The following COQ3 variants were observed in gnomAD, a reference collection of about 807,000 sequenced individuals.
COQ3 encodes the protein ubiquinone biosynthesis O-methyltransferase, mitochondrial.
A neutral mutation model predicts 33.1 loss-of-function variants in COQ3; 29 were observed. The observed-to-expected ratio is 0.88, with a 90% confidence interval of 0.65 to 1.19. The LOEUF (loss-of-function observed/expected upper bound fraction) is 1.19. COQ3 is among the 50% of genes most tolerant of loss of function. The pLI is 0.00. For missense variants in COQ3, 437 were observed against 430.7 expected (o/e 1.01, Z -0.13); for synonymous variants, 173 against 157.8 (o/e 1.10, Z -0.72).
intron 2 of COQ3, among the ~76,000 whole-genome samples, chr6:99,383,339 T>C (rs1414086188): frequency 6.6e-6 from 1 of 152,200 alleles, no homozygotes; most frequent in Non-Finnish European, 1.5e-5. Context: ...GTATTATAAG[T>C]AATATTTATG....
intron 2 of COQ3, among the ~76,000 whole-genome samples, 194 bp downstream of exon 2, chr6:99,383,504 G>A (rs900720614): frequency 2.0e-5 from 3 of 152,040 alleles, no homozygotes; most frequent in Admixed American, 6.6e-5. Context: ...TTCTATTACC[G>A]TTTCTGTGGG....
intron 6 of COQ3, among the ~76,000 whole-genome samples, chr6:99,371,126 T>C (rs1198320256): frequency 1.3e-5 from 2 of 152,212 alleles, no homozygotes; most frequent in African/African-American, 4.8e-5. Context: ...ACTGAGAATG[T>C]GTAAATAACA....
At chr6:99,370,028 C>T (rs1401845892) in intron 6 of COQ3, among the ~76,000 whole-genome samples, 1 of 152,096 alleles carries the variant, frequency 6.6e-6, no homozygotes, top group Non-Finnish European at 1.5e-5. Flanking sequence ...TTCAGTAAGT[C>T]GCAATTAGGA....
At chr6:99,391,596 A>C (rs1451860922) in intron 1 of COQ3, among the ~76,000 whole-genome samples, 2 of 11,950 alleles carry the variant, frequency 1.7e-4, no homozygotes, top group Non-Finnish European at 3.7e-3. Context: ...AAATTTTAAC[A>C]ATATCTGCTT....
At chr6:99,370,551 A>C (rs1009196565) in intron 6 of COQ3, among the ~76,000 whole-genome samples, 1 of 151,454 alleles carries the variant, frequency 6.6e-6, no homozygotes, top group Admixed American at 6.6e-5. Context: ...GTTTCACCAC[A>C]TTGGCCAGGC....
chr6:99,371,586 G>A lies in COQ3; in HGVS notation c.731C>T (p.Pro244Leu). Residue 244 changes from proline to leucine, a missense_variant and splice_region_variant, in exon 6 of 7, where the codon CCC (proline) becomes CTC (leucine). By Grantham distance (98) the Pro-to-Leu change is moderately conservative (BLOSUM62 -3). Transcript: ENST00000254759. ...FLQCCCQVLKPGGSLFITTIN... is the reference protein window; with the variant it reads ...FLQCCCQVLKLGGSLFITTIN... ...TGTAGTAATGAATAAAGAACCACCGGGCTAAAAGAAATGAAATTATATAGA... is the reference window on the plus strand; with the variant it reads ...TGTAGTAATGAATAAAGAACCACCGAGCTAAAAGAAATGAAATTATATAGA... 6.3e-7 allele frequency: 1 copy of A among 1,581,806 alleles called. No homozygotes were observed. Among genetic ancestry groups the A allele is most frequent in the Non-Finnish European group, 8.6e-7 (1 of 1,163,450 alleles).
chr6:99,378,304 T>C (rs1774366263), intron 3 of COQ3, among the ~76,000 whole-genome samples: 1 of 151,780 alleles, frequency 6.6e-6, no homozygotes, highest in African/African-American at 2.4e-5. Context: ...TGGATAGTGG[T>C]TAAGTAGATC....
intron 1 of COQ3, among the ~76,000 whole-genome samples, chr6:99,386,983 G>A (rs1351984417): frequency 6.6e-6 from 1 of 152,070 alleles, no homozygotes. Context: ...AAAGACTACA[G>A]ACCAATTCCT....
chr6:99,374,889 C>T (rs779261406), intron 5 of COQ3, among the ~76,000 whole-genome samples: 17 of 152,082 alleles, frequency 1.1e-4, no homozygotes, highest in Non-Finnish European at 1.9e-4. Context: ...AAAACTATTA[C>T]GCATTTACCA....
In COQ3 at chr6:99,369,550, T is replaced by C; in HGVS notation, c.*50A>G. On this transcript the variant is annotated 3_prime_UTR_variant, in exon 7 of 7. Transcript: ENST00000254759. ...AAGGATAAATTGTACATTTTTGTATTTGAAAACATCAGATATCCAAGCCAT... is the reference window on the plus strand; with the variant it reads ...AAGGATAAATTGTACATTTTTGTATCTGAAAACATCAGATATCCAAGCCAT... The C allele has an allele frequency of 1.5e-6, 2 of 1,303,664 alleles. No individual in the cohort carries two copies. The highest frequency in any genetic ancestry group is 2.2e-6 in the Non-Finnish European group (2 of 913,474). The allele number at this position is 1,303,664 out of a possible 1,614,324, so 80.8% of individuals were successfully genotyped here. A position where few individuals can be genotyped will look rare whatever the true frequency, so the allele number is the denominator to read the frequency against.
At chr6:99,375,841 C>T (rs1468174975) in intron 5 of COQ3, 99 bp downstream of exon 5, 4 of 1,294,504 alleles carry the variant, frequency 3.1e-6, no homozygotes, top group African/African-American at 2.9e-5. Flanking sequence ...TATACCTTGC[C>T]TGCTGGACTG....
chr6:99,379,125 A>G (rs538306062), intron 3 of COQ3, among the ~76,000 whole-genome samples: 5 of 152,016 alleles, frequency 3.3e-5, no homozygotes, highest in African/African-American at 1.2e-4. Context: ...TTAACTCGTC[A>G]TTTAGCATTA....
Position 99,383,765 on chromosome 6 carries a change from A to G in COQ3, c.166T>C (p.Tyr56His). Residue 56 changes from tyrosine (Y) to histidine (H), a missense_variant, in exon 2 of 7, where the codon TAC becomes CAC. Physicochemically the swap from Tyr to His is moderately conservative, Grantham distance 83. Coordinates refer to ENST00000254759, the MANE Select transcript of COQ3 (RefSeq NM_017421.4). Reference protein sequence around the residue: ...LQIKPGVFNEYRTIWFKSYRT... With the variant: ...LQIKPGVFNEHRTIWFKSYRT... ...TAGGATTTGAACCATATGGTTCTGT[A>G]TTCATTGAAAACCCCTGGTTTAATC... 6.2e-7 allele frequency: 1 copy of G among 1,600,690 alleles called. No homozygotes were observed. The highest frequency in any genetic ancestry group is 8.5e-7 in the Non-Finnish European group (1 of 1,173,004).
Position 99,391,075 on chromosome 6 carries a change from T to TTTTATTTATTTA in COQ3, c.106+2987_106+2998dup, listed in dbSNP as rs60755408. On this transcript the variant is annotated intron_variant, in intron 1 of 6. Transcript: ENST00000254759. ...GTTCATGTGTCTAGGCTTTTGCTCA[T>TTTTATTTATTTA]TTTATTTATTTATTTATTTATTTAT... 4.9e-3 allele frequency among the ~76,000 whole-genome samples: 678 copies of TTTTATTTATTTA among 139,238 alleles called. 6 individuals are homozygous for TTTTATTTATTTA. The highest frequency in any genetic ancestry group is 0.015 in the South Asian group (59 of 4,056). 91.3% of individuals were successfully genotyped at this position (139,238 alleles called of 152,430 possible). A position where few individuals can be genotyped will look rare whatever the true frequency, so the allele number is the denominator to read the frequency against.
intron 1 of COQ3, among the ~76,000 whole-genome samples, chr6:99,391,048 A>C (rs952780296): frequency 2.6e-5 from 4 of 151,322 alleles, no homozygotes; most frequent in Non-Finnish European, 4.4e-5. Context: ...TTTTTTAATA[A>C]AGTTCATGTG....
chr6:99,375,555 T>C (rs1358381401), intron 5 of COQ3, among the ~76,000 whole-genome samples: 1 of 151,976 alleles, frequency 6.6e-6, no homozygotes, highest in South Asian at 2.1e-4. Flanking sequence ...AGCTAATTTT[T>C]TCTATTTTTA....
intron 1 of COQ3, among the ~76,000 whole-genome samples, chr6:99,388,918 CA>C (rs1774739873): frequency 4.0e-5 from 6 of 149,556 alleles, no homozygotes; most frequent in East Asian, 2.0e-4. Context: ...CACACACACA[CA>C]CACACACACA....
chr6:99,381,988 C>T (rs1774487547), intron 2 of COQ3, among the ~76,000 whole-genome samples: 1 of 152,004 alleles, frequency 6.6e-6, no homozygotes, highest in African/African-American at 2.4e-5. Context: ...CCCTCATCCC[C>T]TGTCCCCCTA....
At chr6:99,381,594 C>A (rs1774473584) in intron 2 of COQ3, among the ~76,000 whole-genome samples, 1 of 152,156 alleles carries the variant, frequency 6.6e-6, no homozygotes, top group Admixed American at 6.6e-5. Context: ...TCCTTCTCAT[C>A]CTTCAGATCT....
Sources: allele counts gnomAD v4.1 joint callset (sites outside exome capture counted in the v4.1 genomes callset), GRCh38; gene constraint gnomAD v4.1.1; transcripts MANE v1.5; gene names NCBI Gene and HGNC (gene_info 2026-07-23, HGNC 2026-07-21).